RORA: variants seen among roughly 807,000 people sequenced by gnomAD.
RORA encodes the protein nuclear receptor ROR-alpha.
RORA carries 7 observed loss-of-function variants against 69.5 expected under a neutral mutation model. That is an observed-to-expected ratio of 0.10 (90% confidence interval 0.06 to 0.19). The LOEUF (loss-of-function observed/expected upper bound fraction) is 0.19. Among genes scored for constraint, RORA ranks in the 10% least tolerant of loss-of-function variants. RORA has a pLI of 1.00. For missense variants in RORA, 457 were observed against 663.0 expected (o/e 0.69, Z 3.41); for synonymous variants, 261 against 240.8 (o/e 1.08, Z -0.78).
intron 1 of RORA, among the ~76,000 whole-genome samples, chr15:60,798,514 A>G (rs928842655): frequency 6.6e-6 from 1 of 151,888 alleles, no homozygotes; most frequent in African/African-American, 2.4e-5. Context: ...GGAAGAGGAG[A>G]CAGGGAGCAC....
At chr15:60,994,851 T>C (rs150677132) in intron 1 of RORA, among the ~76,000 whole-genome samples, 362 of 152,318 alleles carry the variant, frequency 2.4e-3, no homozygotes, top group African/African-American at 8.5e-3. Context: ...AAGCCAACTT[T>C]ACCAACCTTT....
intron 1 of RORA, among the ~76,000 whole-genome samples, chr15:60,852,069 G>A (rs117758590): frequency 0.012 from 1,792 of 152,240 alleles, 23 homozygotes; most frequent in Non-Finnish European, 0.019. Flanking sequence ...TCCCTGACAG[G>A]CCCTGTCAGA....
In RORA at chr15:61,131,758, G is replaced by A. The variant is rs1298615201; in HGVS notation, c.166+97295C>T. Among the ~76,000 whole-genome samples, 1 of 152,256 alleles carries A rather than the reference G, an allele frequency of 6.6e-6. No homozygotes were observed. Among genetic ancestry groups the A allele is most frequent in the African/African-American group, 2.4e-5 (1 of 41,466 alleles). ...CTGAGCAGAAATTCCAACGTGGGCA[G>A]GGCTGGGGAAGGAGTAGGGCAGGAG... On this transcript the variant is annotated intron_variant, in intron 1 of 10. Coordinates refer to ENST00000335670, the MANE Select transcript of RORA (RefSeq NM_134261.3). The surrounding 1 kb of genome is among the most constrained non-coding windows in gnomAD (Gnocchi z 4.2).
At chr15:61,173,414 T>C (rs567235586) in intron 1 of RORA, among the ~76,000 whole-genome samples, 4 of 152,234 alleles carry the variant, frequency 2.6e-5, no homozygotes, top group Non-Finnish European at 4.4e-5. Flanking sequence ...TTAGGAAGGA[T>C]AAATGCATAA....
intron 1 of RORA, among the ~76,000 whole-genome samples, chr15:61,190,705 A>G (rs2079790426): frequency 6.6e-6 from 1 of 152,156 alleles, no homozygotes; most frequent in East Asian, 1.9e-4. Flanking sequence ...CCAAAATGGC[A>G]CCACTGCACT....
chr15:60,614,125 A>T (rs2069167518), intron 2 of RORA, among the ~76,000 whole-genome samples: 1 of 152,150 alleles, frequency 6.6e-6, no homozygotes, highest in Non-Finnish European at 1.5e-5. Flanking sequence ...TGAACATTTA[A>T]GTGAAAAATA....
chr15:60,872,133 TA>T (rs5813046), intron 1 of RORA, among the ~76,000 whole-genome samples: 42,072 of 151,884 alleles, frequency 0.28, 6,070 homozygotes, highest in South Asian at 0.33. Context: ...AGCACTAGTC[TA>T]AGAGGTAGGA....
chr15:61,206,909 T>G (rs1279580207), intron 1 of RORA, among the ~76,000 whole-genome samples: 1 of 152,208 alleles, frequency 6.6e-6, no homozygotes, highest in Non-Finnish European at 1.5e-5. Context: ...CAGGGTGTGA[T>G]GCTCTAAAGG....
At chr15:60,891,922 C>A (rs985582232) in intron 1 of RORA, among the ~76,000 whole-genome samples, 1 of 152,158 alleles carries the variant, frequency 6.6e-6, no homozygotes, top group Admixed American at 6.5e-5. Context: ...GGGTTTAGTA[C>A]CACTCCTACA....
intron 9 of RORA, 66 bp downstream of exon 9, chr15:60,500,893 G>T: frequency 1.2e-6 from 1 of 854,264 alleles, no homozygotes. Context: ...AAACGTATGG[G>T]CCTTGTAAAA....
intron 1 of RORA, among the ~76,000 whole-genome samples, chr15:60,710,825 G>A (rs565110979): frequency 2.0e-5 from 3 of 151,906 alleles, no homozygotes; most frequent in Non-Finnish European, 2.9e-5. Flanking sequence ...AGAAGAGGGA[G>A]GGAGGGCCCC....
At chr15:60,943,425 G>T (rs1037027400) in intron 1 of RORA, among the ~76,000 whole-genome samples, 1 of 151,988 alleles carries the variant, frequency 6.6e-6, no homozygotes, top group South Asian at 2.1e-4. Context: ...CTGTATCAAG[G>T]TCATACTTAA....
At chr15:60,981,785 G>A (rs1608473) in intron 1 of RORA, among the ~76,000 whole-genome samples, 29,561 of 150,890 alleles carry the variant, frequency 0.2, 3,364 homozygotes, top group Non-Finnish European at 0.26. Context: ...GTCTAGTAAT[G>A]AACTCGTTTT....
chr15:61,146,053 T>C (rs138042201), intron 1 of RORA, among the ~76,000 whole-genome samples: 137 of 152,300 alleles, frequency 9.0e-4, no homozygotes, highest in African/African-American at 3.2e-3. Flanking sequence ...GTTTCCCAAA[T>C]GAAAACAACC....
At chr15:60,839,840 T>C (rs190643537) in intron 1 of RORA, among the ~76,000 whole-genome samples, 110 of 152,344 alleles carry the variant, frequency 7.2e-4, no homozygotes, top group African/African-American at 2.5e-3. Context: ...ATATATCATA[T>C]ATGTCTATGT....
At chr15:60,709,907 G>C (rs1372666108) in intron 1 of RORA, among the ~76,000 whole-genome samples, 2 of 152,132 alleles carry the variant, frequency 1.3e-5, no homozygotes, top group African/African-American at 2.4e-5. Context: ...GTGCCAAAAA[G>C]GTTGGGGACT....
intron 1 of RORA, among the ~76,000 whole-genome samples, chr15:61,060,648 G>C (rs2078170764): frequency 6.6e-6 from 1 of 152,058 alleles, no homozygotes; most frequent in African/African-American, 2.4e-5. Flanking sequence ...GGACTCTTGG[G>C]GAAGGCAGTT....
At chr15:60,947,997 C>T (rs1162710795) in intron 1 of RORA, among the ~76,000 whole-genome samples, 1 of 152,094 alleles carries the variant, frequency 6.6e-6, no homozygotes, top group African/African-American at 2.4e-5. Context: ...TGGATGATGC[C>T]TTGATGATTT....
chr15:61,047,092 T>G (rs1359269447), intron 1 of RORA, among the ~76,000 whole-genome samples: 1 of 152,326 alleles, frequency 6.6e-6, no homozygotes, highest in South Asian at 2.1e-4. Context: ...CCTATAAGGA[T>G]TCTCTCTTTT....
Sources: allele counts gnomAD v4.1 joint callset (sites outside exome capture counted in the v4.1 genomes callset), GRCh38; gene constraint gnomAD v4.1.1; non-coding constraint Gnocchi (gnomAD v3.1); transcripts MANE v1.5; gene names NCBI Gene and HGNC (gene_info 2026-07-23, HGNC 2026-07-21).